SUCLG1: variants seen among roughly 807,000 people sequenced by gnomAD.
SUCLG1 encodes succinate--CoA ligase [ADP/GDP-forming] subunit alpha, mitochondrial.
SUCLG1 carries 26 observed loss-of-function variants against 37.3 expected under a neutral mutation model. The ratio of observed to expected loss-of-function variants is 0.70; its 90% CI spans 0.51 to 0.97. The LOEUF is 0.97. SUCLG1 is among the 50% of genes least tolerant of loss of function. The pLI, the probability that SUCLG1 is intolerant of heterozygous loss-of-function variation, is 0.00. For synonymous variants in SUCLG1, 163 were observed against 155.6 expected, an observed-to-expected ratio of 1.05 and a Z score of -0.36; for missense variants, 433 against 432.9, an observed-to-expected ratio of 1.00 and a Z score of 0.00.
At chr2:84,442,764 T>G (rs1454679756) in intron 3 of SUCLG1, among the ~76,000 whole-genome samples, 3 of 152,340 alleles carry the variant, frequency 2.0e-5, no homozygotes, top group Non-Finnish European at 2.9e-5. Context: ...ACAATTTAGT[T>G]TCTTCACACG....
intron 1 of SUCLG1, among the ~76,000 whole-genome samples, chr2:84,455,659 C>T (rs1307144402): frequency 6.6e-6 from 1 of 151,634 alleles, no homozygotes; most frequent in Non-Finnish European, 1.5e-5. Flanking sequence ...CACAGTGAAA[C>T]CCCATCTCTA....
intron 7 of SUCLG1, among the ~76,000 whole-genome samples, chr2:84,427,968 T>C (rs544838820): frequency 2.0e-5 from 3 of 152,342 alleles, no homozygotes; most frequent in East Asian, 3.9e-4. Flanking sequence ...GAATGACTGC[T>C]ACTCTGGTTC....
At chr2:84,431,108 G>A (rs2104242858) in intron 7 of SUCLG1, among the ~76,000 whole-genome samples, 1 of 152,284 alleles carries the variant, frequency 6.6e-6, no homozygotes, top group South Asian at 2.1e-4. Context: ...AAAAGCACAA[G>A]GGATAGGATC....
intron 5 of SUCLG1, among the ~76,000 whole-genome samples, chr2:84,437,939 T>C (rs1672712150): frequency 6.6e-6 from 1 of 152,228 alleles, no homozygotes; most frequent in East Asian, 1.9e-4. Flanking sequence ...AGACTTATTC[T>C]GACTATAAAT....
At chr2:84,457,460 G>C (rs1351330195) in intron 1 of SUCLG1, among the ~76,000 whole-genome samples, 2 of 152,190 alleles carry the variant, frequency 1.3e-5, no homozygotes, top group Admixed American at 1.3e-4. Flanking sequence ...ATGATCCTGG[G>C]AGTCTAGGAA....
At chr2:84,433,053 T>C (rs1672633244) in intron 6 of SUCLG1, among the ~76,000 whole-genome samples, 1 of 152,186 alleles carries the variant, frequency 6.6e-6, no homozygotes, top group Non-Finnish European at 1.5e-5. Flanking sequence ...AAAGTCCTAA[T>C]ATAAGGAACC....
At chr2:84,459,100 C>T in intron 1 of SUCLG1, 73 bp downstream of exon 1, 1 of 1,459,236 alleles carries the variant, frequency 6.9e-7, no homozygotes. Context: ...CAGCCGCGGC[C>T]TGGGCCAGGA....
Position 84,425,580 on chromosome 2 carries a change from C to T in SUCLG1, c.849G>A (p.Val283=), listed in dbSNP as rs897632906. Residue 283 remains valine, a synonymous_variant, in exon 8 of 9, where the codon GTG becomes GTA. Coordinates refer to ENST00000393868, the MANE Select transcript of SUCLG1 (RefSeq NM_003849.4). ...GAGCAGTTAAACCAGCAATGAAGGACACTACAGGCTTGGAATTTGGACCCT... is the reference window on the plus strand; with the variant it reads ...GAGCAGTTAAACCAGCAATGAAGGATACTACAGGCTTGGAATTTGGACCCT... ...HNSGPNSKPV[V]SFIAGLTAPP... 3.0e-5 allele frequency: 48 copies of T among 1,614,090 alleles called. No homozygotes were observed. Among genetic ancestry groups the T allele is most frequent in the Non-Finnish European group, 3.8e-5 (45 of 1,180,034 alleles).
chr2:84,456,686 C>A (rs1320821034), intron 1 of SUCLG1, among the ~76,000 whole-genome samples: 2 of 152,180 alleles, frequency 1.3e-5, no homozygotes, highest in East Asian at 3.9e-4. Flanking sequence ...TTTTCTGAGA[C>A]AGAGTCTCAC....
chr2:84,437,227 T>C (rs188722497), intron 5 of SUCLG1, among the ~76,000 whole-genome samples: 5 of 152,304 alleles, frequency 3.3e-5, no homozygotes, highest in Non-Finnish European at 5.9e-5. Context: ...AGAGTTTTTA[T>C]AGATACAAAC....
At chr2:84,449,826 C>T in intron 1 of SUCLG1, 74 bp from the exon 2 acceptor site, 2 of 1,201,748 alleles carry the variant, frequency 1.7e-6, no homozygotes, top group East Asian at 5.3e-5. Context: ...AACAATAATT[C>T]AACTTGATCA....
intron 7 of SUCLG1, among the ~76,000 whole-genome samples, chr2:84,430,337 G>A (rs961575444): frequency 2.0e-5 from 3 of 152,170 alleles, no homozygotes; most frequent in African/African-American, 7.2e-5. Flanking sequence ...TTTCCAATAA[G>A]GAACCTGAGG....
intron 5 of SUCLG1, among the ~76,000 whole-genome samples, chr2:84,438,276 T>C (rs1399654939): frequency 2.0e-5 from 3 of 152,218 alleles, no homozygotes; most frequent in African/African-American, 7.2e-5. Flanking sequence ...TATCTCAATA[T>C]AGGCAGTTTA....
At chr2:84,425,311 A>T in intron 8 of SUCLG1, 104 bp downstream of exon 8, 1 of 1,407,172 alleles carries the variant, frequency 7.1e-7, no homozygotes, top group Non-Finnish European at 1.0e-6. Flanking sequence ...TCAGAAAACC[A>T]ATTAAGTCCC....
intron 7 of SUCLG1, 71 bp downstream of exon 7, chr2:84,431,431 AAAAAAT>A: frequency 6.3e-7 from 1 of 1,594,814 alleles, no homozygotes; most frequent in South Asian, 1.1e-5. Context: ...TTCACCTTTG[AAAAAAT>A]AAAAATAACT....
intron 8 of SUCLG1, among the ~76,000 whole-genome samples, chr2:84,424,315 A>C (rs544130701): frequency 6.6e-6 from 1 of 152,344 alleles, no homozygotes; most frequent in South Asian, 2.1e-4. Flanking sequence ...CTAGATTGTA[A>C]CAATTAGGAT....
chr2:84,440,566 C>T (rs938292876), intron 5 of SUCLG1, among the ~76,000 whole-genome samples: 1 of 152,092 alleles, frequency 6.6e-6, no homozygotes, highest in African/African-American at 2.4e-5. Flanking sequence ...CACATTTTGC[C>T]CAAGAGAAAC....
At chr2:84,441,633 C>G (rs1672775388) in intron 3 of SUCLG1, among the ~76,000 whole-genome samples, 174 bp from the exon 4 acceptor site, 1 of 152,122 alleles carries the variant, frequency 6.6e-6, no homozygotes, top group East Asian at 1.9e-4. Flanking sequence ...CAGAATCAAG[C>G]ATAGCCCTTT....
At chr2:84,424,008 T>A (rs1229919292) in intron 8 of SUCLG1, among the ~76,000 whole-genome samples, 1 of 152,214 alleles carries the variant, frequency 6.6e-6, no homozygotes, top group African/African-American at 2.4e-5. Flanking sequence ...CAACTTTACA[T>A]TTCCTAAATC....
Sources: allele counts gnomAD v4.1 joint callset (sites outside exome capture counted in the v4.1 genomes callset), GRCh38; gene constraint gnomAD v4.1.1; transcripts MANE v1.5; gene names NCBI Gene and HGNC (gene_info 2026-07-23, HGNC 2026-07-21).